The following ARMH3 variants were observed in gnomAD, a reference collection of about 807,000 sequenced individuals.
ARMH3 encodes the protein armadillo-like helical domain-containing protein 3.
ARMH3 carries 60 observed loss-of-function variants against 99.1 expected under a neutral mutation model. That is an observed-to-expected ratio of 0.61 (90% confidence interval 0.49 to 0.75). The LOEUF is 0.75. Among genes scored for constraint, ARMH3 ranks in the 30% least tolerant of loss-of-function variants. The pLI, the probability that ARMH3 is intolerant of heterozygous loss-of-function variation, is 0.00. For missense variants in ARMH3, 679 were observed against 843.1 expected, an observed-to-expected ratio of 0.81 and a Z score of 2.41; for synonymous variants, 285 against 292.8, an observed-to-expected ratio of 0.97 and a Z score of 0.27.
At chr10:102,006,412 T>G in intron 14 of ARMH3, 128 bp downstream of exon 14, 1 of 930,104 alleles carries the variant, frequency 1.1e-6, no homozygotes, top group South Asian at 1.6e-5. Context: ...GCCTGAAGGA[T>G]AGTACTACAG....
intron 24 of ARMH3, among the ~76,000 whole-genome samples, chr10:101,854,091 C>A (rs1049630298): frequency 9.9e-5 from 15 of 152,036 alleles, no homozygotes; most frequent in African/African-American, 3.1e-4. Flanking sequence ...CCAGCCTGGG[C>A]AACAGAGCGA....
intron 10 of ARMH3, among the ~76,000 whole-genome samples, chr10:102,012,245 A>G (rs944603989): frequency 3.9e-5 from 6 of 152,218 alleles, no homozygotes; most frequent in Admixed American, 3.9e-4. Context: ...GAGGAGCATG[A>G]AAGATCCTGC....
At chr10:101,986,213 T>C (rs1050274385) in intron 19 of ARMH3, among the ~76,000 whole-genome samples, 2 of 152,160 alleles carry the variant, frequency 1.3e-5, no homozygotes, top group African/African-American at 4.8e-5. Context: ...CTGAAGTCTG[T>C]ACCTTTCTTC....
chr10:101,955,765 T>A (rs10883699), intron 22 of ARMH3, among the ~76,000 whole-genome samples: 31,441 of 152,106 alleles, frequency 0.21, 3,993 homozygotes, highest in Non-Finnish European at 0.29. Context: ...GAAGGAGACA[T>A]GAGAGGATTC....
intron 23 of ARMH3, among the ~76,000 whole-genome samples, chr10:101,903,293 T>C (rs1564736826): frequency 6.6e-6 from 1 of 152,230 alleles, no homozygotes; most frequent in African/African-American, 2.4e-5. Context: ...TCTTGATAAT[T>C]CAGTTTGTTT....
chr10:101,921,999 A>G (rs1358140550), intron 23 of ARMH3, among the ~76,000 whole-genome samples: 1 of 152,224 alleles, frequency 6.6e-6, no homozygotes, highest in Non-Finnish European at 1.5e-5. Flanking sequence ...AACTGTTCCC[A>G]ACACAGAAAT....
At chr10:102,016,003 C>T (rs1009866198) in intron 8 of ARMH3, among the ~76,000 whole-genome samples, 14 of 152,102 alleles carry the variant, frequency 9.2e-5, no homozygotes, top group African/African-American at 3.1e-4. Context: ...GGCATAGTGG[C>T]ACACGCCTGT....
intron 20 of ARMH3, among the ~76,000 whole-genome samples, chr10:101,963,173 C>T (rs1845378312): frequency 7.0e-6 from 1 of 142,488 alleles, no homozygotes; most frequent in Non-Finnish European, 1.5e-5. Context: ...AACAGAGTCT[C>T]ACTCTGTTGC....
In ARMH3 at chr10:102,006,553, C is replaced by T. The variant is rs763024607; in HGVS notation, c.1035G>A (p.Pro345=). Residue 345 remains proline, a synonymous_variant, in exon 14 of 26, where the codon CCG becomes CCA. Transcript: ENST00000370033. ...TTPVTPLGTT[P]PSSDVISSVE... is the part of the protein sequence containing the mutation. ...TGGTGGGCTCACCATCAGAGGAAGG[C>T]GGTGTGGTCCCAAGTGGTGTGACTG... is the stretch of plus-strand genomic sequence containing the variant. 2.0e-5 allele frequency: 32 copies of T among 1,613,536 alleles called. No homozygotes were observed. Among genetic ancestry groups the T allele is most frequent in the South Asian group, 4.4e-5 (4 of 91,064 alleles).
At chr10:101,925,241 G>A (rs780651933) in intron 23 of ARMH3, among the ~76,000 whole-genome samples, 2 of 152,132 alleles carry the variant, frequency 1.3e-5, no homozygotes, top group Non-Finnish European at 2.9e-5. Context: ...CATATCATGC[G>A]TATAAATAGT....
chr10:101,890,001 T>C (rs1035548313), intron 23 of ARMH3, among the ~76,000 whole-genome samples: 2 of 152,114 alleles, frequency 1.3e-5, no homozygotes, highest in African/African-American at 4.8e-5. Flanking sequence ...TTTAAAACAC[T>C]CCCTTCTCCA....
chr10:101,925,939 A>T (rs1843492592), intron 23 of ARMH3, among the ~76,000 whole-genome samples: 1 of 152,166 alleles, frequency 6.6e-6, no homozygotes, highest in African/African-American at 2.4e-5. Context: ...TAAAAAATGA[A>T]TGAATGGTCT....
intron 23 of ARMH3, among the ~76,000 whole-genome samples, chr10:101,911,140 C>CAAA (rs555442247): frequency 3.9e-5 from 5 of 127,596 alleles, no homozygotes; most frequent in Non-Finnish European, 6.8e-5. Flanking sequence ...GATTCCGTAC[C>CAAA]AAAAAAAAAA....
At chr10:102,010,221 A>G (rs372839614) in intron 11 of ARMH3, among the ~76,000 whole-genome samples, 198 bp from the exon 12 acceptor site, 74 of 152,334 alleles carry the variant, frequency 4.9e-4, no homozygotes, top group African/African-American at 1.7e-3. Flanking sequence ...AAATGAAATA[A>G]TGAGAATCCT....
intron 1 of ARMH3, among the ~76,000 whole-genome samples, chr10:102,044,624 A>G (rs747195203): frequency 6.6e-6 from 1 of 152,080 alleles, no homozygotes; most frequent in Non-Finnish European, 1.5e-5. Flanking sequence ...TCAGCCTCCC[A>G]AAGTGCTAGA....
chr10:102,007,090 G>A (rs2066510062), intron 13 of ARMH3, among the ~76,000 whole-genome samples: 1 of 147,178 alleles, frequency 6.8e-6, no homozygotes, highest in African/African-American at 2.5e-5. Context: ...GAACCCAGGA[G>A]GCGGAGGTTG....
chr10:101,872,080 G>T (rs2067143252), intron 24 of ARMH3, among the ~76,000 whole-genome samples: 1 of 151,860 alleles, frequency 6.6e-6, no homozygotes, highest in African/African-American at 2.4e-5. Context: ...ACAAAAGCAT[G>T]ACTCCTTTAA....
intron 23 of ARMH3, among the ~76,000 whole-genome samples, chr10:101,912,656 A>G (rs536906839): frequency 6.6e-6 from 1 of 152,140 alleles, no homozygotes; most frequent in African/African-American, 2.4e-5. Flanking sequence ...GATGGCTTTT[A>G]TTTCTTTTTC....
At chr10:101,965,521 C>G (rs1432757214) in intron 20 of ARMH3, among the ~76,000 whole-genome samples, 2 of 152,236 alleles carry the variant, frequency 1.3e-5, no homozygotes, top group African/African-American at 4.8e-5. Context: ...TAACAATGCA[C>G]TAAATACCAA....
Sources: gnomAD v4.1 joint callset for allele counts (sites outside exome capture counted in the v4.1 genomes callset) on GRCh38, gnomAD v4.1.1 for gene constraint, MANE v1.5 for transcripts, NCBI Gene and HGNC (gene_info 2026-07-23, HGNC 2026-07-21) for gene names.